The following ADPGK variants were observed in gnomAD, a reference collection of about 807,000 sequenced individuals.
ADPGK encodes the protein ADP-dependent glucokinase.
ADPGK carries 26 observed loss-of-function variants against 42.4 expected under a neutral mutation model. The ratio of observed to expected loss-of-function variants is 0.61; its 90% CI spans 0.45 to 0.85. The LOEUF is 0.85. Ranked by LOEUF, ADPGK falls within the 40% of genes least tolerant of loss-of-function variation. ADPGK has a pLI of 0.00. For missense variants in ADPGK, 571 were observed against 627.0 expected (o/e 0.91, Z 0.95); for synonymous variants, 267 against 252.6 (o/e 1.06, Z -0.54).
At chr15:72,775,978 C>T (rs1254171957) in intron 1 of ADPGK, among the ~76,000 whole-genome samples, 1 of 152,226 alleles carries the variant, frequency 6.6e-6, no homozygotes, top group Non-Finnish European at 1.5e-5. Flanking sequence ...TTTATACATA[C>T]AGCCTGAAGG....
rs12908694 is a variant in ADPGK, at chr15:72,760,659, T to C, written c.523-132A>G. The C allele has an allele frequency of 6.7e-3, 8,318 of 1,247,920 alleles. 41 individuals are homozygous for C. Among genetic ancestry groups the C allele is most frequent in the Non-Finnish European group, 8.1e-3 (7,667 of 947,204 alleles). 77.3% of individuals were successfully genotyped at this position (1,247,920 alleles called of 1,614,324 possible). ...AAAATATTGGAATCCAAATCTAATT[T>C]TGAAAGCTGTTGGTCTGGAGGTGTG... On this transcript the variant is annotated intron_variant, in intron 3 of 6. Transcript: ENST00000456471.
At chr15:72,754,750 G>A (rs1022999483) in intron 6 of ADPGK, among the ~76,000 whole-genome samples, 1 of 152,174 alleles carries the variant, frequency 6.6e-6, no homozygotes, top group Non-Finnish European at 1.5e-5. Context: ...TAGTGATGCA[G>A]GAAGATCTCC....
intron 5 of ADPGK, 84 bp from the exon 6 acceptor site, chr15:72,755,738 C>T (rs1007383510): frequency 1.2e-4 from 128 of 1,111,262 alleles, no homozygotes; most frequent in Admixed American, 6.1e-4. Flanking sequence ...TCCTGAGAGG[C>T]GGTTCCTCCT....
Position 72,752,913 on chromosome 15 carries a change from A to T in ADPGK, c.940-18T>A. 3.1e-6 allele frequency: 5 copies of T among 1,597,350 alleles called. No homozygotes were observed. The highest frequency in any genetic ancestry group is 4.3e-6 in the Non-Finnish European group (5 of 1,171,096). On this transcript the variant is annotated intron_variant, in intron 6 of 6. Transcript: ENST00000456471. ...AAGACCTGCTAACAAAAACAACAAC[A>T]GGTATCTTTCTGATGGAGATAACCT... is the stretch of plus-strand genomic sequence containing the variant.
chr15:72,758,009 G>A lies in ADPGK; in HGVS notation c.644-1562C>T. The A allele has an allele frequency of 4.0e-6, 6 of 1,483,312 alleles. No homozygotes were observed. The South Asian group carries it at 7.1e-5, about 18-fold the overall frequency. The allele number at this position is 1,483,312 out of a possible 1,614,324, so 91.9% of individuals were successfully genotyped here. ...AGGCAGCAGATGCCAAGAGAGGCTGGAACCTGAAGAAAACCACCAGCTGAG... is the reference window on the plus strand; with the variant it reads ...AGGCAGCAGATGCCAAGAGAGGCTGAAACCTGAAGAAAACCACCAGCTGAG... On this transcript the variant is annotated intron_variant, in intron 4 of 6. Coordinates refer to ENST00000456471, the MANE Select transcript of ADPGK (RefSeq NM_001365225.1).
intron 3 of ADPGK, among the ~76,000 whole-genome samples, chr15:72,762,844 C>T (rs748962229): frequency 1.3e-5 from 2 of 151,940 alleles, no homozygotes; most frequent in Non-Finnish European, 2.9e-5. Context: ...TTTAGCTAGG[C>T]GTGGTGGCAC....
At chr15:72,778,082 C>G (rs2066411613) in intron 1 of ADPGK, among the ~76,000 whole-genome samples, 1 of 151,988 alleles carries the variant, frequency 6.6e-6, no homozygotes, top group Admixed American at 6.6e-5. Flanking sequence ...GACCCCGTCT[C>G]TACAAAAAAT....
At chr15:72,759,635 C>T (rs1050056247) in intron 4 of ADPGK, among the ~76,000 whole-genome samples, 31 of 152,184 alleles carry the variant, frequency 2.0e-4, no homozygotes, top group Non-Finnish European at 3.8e-4. Context: ...TTAAGTGCTG[C>T]TTTAAGGTAC....
intron 3 of ADPGK, among the ~76,000 whole-genome samples, chr15:72,765,191 C>T (rs2066243669): frequency 6.6e-6 from 1 of 152,152 alleles, no homozygotes; most frequent in African/African-American, 2.4e-5. Context: ...GTCGCCCAGG[C>T]TGGAGTATAG....
chr15:72,779,087 C>T (rs1173427329), intron 1 of ADPGK, among the ~76,000 whole-genome samples: 1 of 152,060 alleles, frequency 6.6e-6, no homozygotes, highest in Non-Finnish European at 1.5e-5. Context: ...AGGAAGTATA[C>T]ACAAGCAAAG....
In ADPGK at chr15:72,763,392, C is replaced by T. The variant is rs199655807; in HGVS notation, c.523-2865G>A. ...CATGTTGGCTGAAACAACCTGACCA[C>T]GCCAGGCTGGTCTCAAACTCCTGAC... On this transcript the variant is annotated intron_variant, in intron 3 of 6. Coordinates refer to ENST00000456471, the MANE Select transcript of ADPGK (RefSeq NM_001365225.1). 4.7e-5 allele frequency among the ~76,000 whole-genome samples: 7 copies of T among 149,424 alleles called. No individual in the cohort carries two copies. In the East Asian group the frequency reaches 5.9e-4, roughly 13 times the overall value.
intron 5 of ADPGK, chr15:72,756,047 C>T: frequency 5.6e-6 from 4 of 708,590 alleles, no homozygotes; most frequent in Non-Finnish European, 1.0e-5. Context: ...AGATGTTCTG[C>T]CCTGTCCTAC....
chr15:72,781,752 G>C (rs1201860456), intron 1 of ADPGK, among the ~76,000 whole-genome samples: 2 of 152,186 alleles, frequency 1.3e-5, no homozygotes, highest in Non-Finnish European at 2.9e-5. Flanking sequence ...AACCATAATT[G>C]TTATGGATTG....
At chr15:72,779,776 C>T (rs930263089) in intron 1 of ADPGK, among the ~76,000 whole-genome samples, 2 of 152,186 alleles carry the variant, frequency 1.3e-5, no homozygotes, top group African/African-American at 4.8e-5. Context: ...CTGGCTTCAA[C>T]CTAAGTGCCA....
intron 1 of ADPGK, among the ~76,000 whole-genome samples, chr15:72,779,917 C>T (rs1294013423): frequency 6.6e-6 from 1 of 152,174 alleles, no homozygotes; most frequent in East Asian, 1.9e-4. Flanking sequence ...CCTCTGAAAT[C>T]CAATTTATCT....
In ADPGK at chr15:72,771,812, G is replaced by C. The variant is rs768836935; in HGVS notation, c.493C>G (p.Gln165Glu). 1 of 1,613,332 alleles carries C rather than the reference G, an allele frequency of 6.2e-7. No individual in the cohort carries two copies. The highest frequency in any genetic ancestry group is 8.5e-7 in the Non-Finnish European group (1 of 1,179,632). Reference sequence around the variant, plus strand: ...AAATCTGAGTTGGCTGCAAATTTCTGTCCAATTAAAGCTGCATTTCCTCCT... The same window carrying C: ...AAATCTGAGTTGGCTGCAAATTTCTCTCCAATTAAAGCTGCATTTCCTCCT... ...YVGGNAALIG[Q>E]KFAANSDLKV... is the part of the protein sequence containing the mutation. The change falls in exon 3 of 7, where the codon CAG becomes GAG. Residue 165 changes from glutamine (Q) to glutamate (E), a missense_variant. Coordinates refer to ENST00000456471, the MANE Select transcript of ADPGK (RefSeq NM_001365225.1).
At position 72,752,886 on chromosome 15, in the gene ADPGK, G is replaced by A. The variant is rs753517663; in HGVS notation, c.949C>T (p.Pro317Ser). The A allele has an allele frequency of 1.2e-6, 2 of 1,609,938 alleles. No homozygotes were observed. The highest frequency in any genetic ancestry group is 1.7e-6 in the Non-Finnish European group (2 of 1,177,698). Residue 317 changes from proline (P) to serine (S), a missense_variant, in exon 7 of 7, where the codon CCC becomes TCC. Around this residue, in one of 2 missense-constraint regions of ADPGK, gnomAD observed 434 missense variants for 522.7 expected, o/e 0.83. Coordinates refer to ENST00000456471, the MANE Select transcript of ADPGK (RefSeq NM_001365225.1). ...MSSIVHQQVF[P>S]AVTSLGLNEQ... is the part of the protein sequence containing the mutation. ...TTCAGCCCAAGGGAAGTCACCGCGG[G>A]AAAGACCTGCTAACAAAAACAACAA... is the stretch of plus-strand genomic sequence containing the variant.
chr15:72,772,284 T>C (rs973736189), intron 2 of ADPGK, among the ~76,000 whole-genome samples: 2 of 152,224 alleles, frequency 1.3e-5, no homozygotes, highest in Admixed American at 6.5e-5. Context: ...ATCTAACCCA[T>C]GTTTTCCTTA....
intron 5 of ADPGK, chr15:72,756,007 T>C (rs1048203500): frequency 2.9e-6 from 2 of 682,184 alleles, no homozygotes; most frequent in African/African-American, 3.5e-5. Flanking sequence ...CATGGTCGGT[T>C]TAGCACAGGA....
Sources: gnomAD v4.1 joint callset for allele counts (sites outside exome capture counted in the v4.1 genomes callset) on GRCh38, gnomAD v4.1.1 for gene constraint, gnomAD v4.1.1 regional missense constraint, MANE v1.5 for transcripts, NCBI Gene and HGNC (gene_info 2026-07-23, HGNC 2026-07-21) for gene names.